FRMD5: variants seen among roughly 807,000 people sequenced by gnomAD.
FRMD5 encodes the protein FERM domain containing 5, also known as FERM domain-containing protein 5.
In FRMD5, 20 loss-of-function variants were observed where a neutral mutation model predicts 69.0. The observed-to-expected ratio is 0.29, with a 90% CI of 0.20 to 0.42. FRMD5 has a LOEUF of 0.42. Among genes scored for constraint, FRMD5 ranks in the 10% least tolerant of loss-of-function variants. The pLI, the probability that FRMD5 is intolerant of heterozygous loss-of-function variation, is 1.00. For missense variants in FRMD5, 595 were observed against 708.6 expected, an observed-to-expected ratio of 0.84 and a Z score of 1.82; for synonymous variants, 271 against 260.1, an observed-to-expected ratio of 1.04 and a Z score of -0.40.
intron 1 of FRMD5, among the ~76,000 whole-genome samples, chr15:44,173,624 C>T (rs771096409): frequency 6.6e-5 from 10 of 152,188 alleles, no homozygotes; most frequent in Non-Finnish European, 1.2e-4. Flanking sequence ...GATTCTCCCA[C>T]TTCAGCCTCC....
intron 1 of FRMD5, among the ~76,000 whole-genome samples, chr15:44,189,004 C>T (rs1486047806): frequency 6.6e-6 from 1 of 152,048 alleles, no homozygotes; most frequent in Non-Finnish European, 1.5e-5. Context: ...GTGAATGGAG[C>T]TATTGTACAC....
chr15:44,169,316 C>T (rs565444844), intron 1 of FRMD5, among the ~76,000 whole-genome samples: 67 of 152,072 alleles, frequency 4.4e-4, no homozygotes, highest in Non-Finnish European at 8.7e-4. Context: ...CTCCGCCATT[C>T]CTCCAGACCT....
chr15:44,186,211 G>A (rs1308800940), intron 1 of FRMD5, among the ~76,000 whole-genome samples: 2 of 152,182 alleles, frequency 1.3e-5, no homozygotes, highest in East Asian at 3.9e-4. Context: ...ACAGGCGTGA[G>A]CCACCGCACC....
Position 43,873,224 on chromosome 15 carries a change from T to C in FRMD5, c.*661A>G, listed in dbSNP as rs2140325245. The C allele has an allele frequency of 6.5e-7, 1 of 1,550,158 alleles. No homozygotes were observed. Among genetic ancestry groups the C allele is most frequent in the African/African-American group, 1.4e-5 (1 of 73,136 alleles). On this transcript the variant is annotated 3_prime_UTR_variant, in exon 14 of 14. Coordinates refer to ENST00000417257, the MANE Select transcript of FRMD5 (RefSeq NM_032892.5). Reference sequence around the variant, plus strand: ...CGGTGGTCCCTTCAGATGCCCACTCTGCTCAGATTTGAAAAAACAAAAGGA... The same window carrying C: ...CGGTGGTCCCTTCAGATGCCCACTCCGCTCAGATTTGAAAAAACAAAAGGA...
At chr15:43,965,180 G>A (rs571660614) in intron 1 of FRMD5, among the ~76,000 whole-genome samples, 1 of 152,092 alleles carries the variant, frequency 6.6e-6, no homozygotes, top group Non-Finnish European at 1.5e-5. Context: ...ACAGAGGCAG[G>A]GCTTGAAGGA....
rs550023736 is a variant in FRMD5, at chr15:44,173,503, TAAGGAAG to T, written c.102+21443_102+21449del. ...AATACAAGTAAATTATAGCCAAATA[TAAGGAAG>T]AAAAAAATATACATATTTTTTTCTT... On this transcript the variant is annotated intron_variant, in intron 1 of 13. Coordinates refer to ENST00000417257, the MANE Select transcript of FRMD5 (RefSeq NM_032892.5). Among the ~76,000 whole-genome samples the T allele has an allele frequency of 4.8e-3, 733 of 152,044 alleles. 6 individuals carry two copies. Among genetic ancestry groups the T allele is most frequent in the Non-Finnish European group, 5.9e-3 (401 of 67,960 alleles).
chr15:44,192,307 A>C (rs1172370131), intron 1 of FRMD5, among the ~76,000 whole-genome samples: 1 of 152,174 alleles, frequency 6.6e-6, no homozygotes, highest in Admixed American at 6.5e-5. Context: ...TGGAACTATC[A>C]TGACTCCAAC....
At chr15:43,960,629 C>T (rs1788125875) in intron 1 of FRMD5, among the ~76,000 whole-genome samples, 1 of 152,126 alleles carries the variant, frequency 6.6e-6, no homozygotes. Flanking sequence ...GGTGATCCGC[C>T]TGCCTCAGCC....
chr15:43,959,604 C>T (rs556834427), intron 1 of FRMD5, among the ~76,000 whole-genome samples: 5 of 152,326 alleles, frequency 3.3e-5, no homozygotes, highest in South Asian at 2.1e-4. Context: ...AACTACTTTA[C>T]ATCCCTAGAC....
chr15:44,101,020 A>G (rs145309932), intron 1 of FRMD5, among the ~76,000 whole-genome samples: 25 of 152,008 alleles, frequency 1.6e-4, no homozygotes, highest in African/African-American at 5.3e-4. Flanking sequence ...GTGATGGTGC[A>G]CGCCTGTAGT....
intron 1 of FRMD5, among the ~76,000 whole-genome samples, chr15:43,963,249 T>C (rs562726643): frequency 5.3e-4 from 81 of 152,270 alleles, no homozygotes; most frequent in East Asian, 4.0e-3. Flanking sequence ...GGGCAAAGGA[T>C]ATGAACAGAC....
At chr15:44,135,033 A>C (rs2077161336) in intron 1 of FRMD5, among the ~76,000 whole-genome samples, 1 of 152,186 alleles carries the variant, frequency 6.6e-6, no homozygotes, top group African/African-American at 2.4e-5. Context: ...GAGACTATTG[A>C]GGGATAAGCA....
chr15:44,120,788 A>G (rs1386799058), intron 1 of FRMD5, among the ~76,000 whole-genome samples: 3 of 151,634 alleles, frequency 2.0e-5, no homozygotes, highest in African/African-American at 7.3e-5. Flanking sequence ...TCAGCCTCCC[A>G]AAGTGCTGGG....
intron 1 of FRMD5, among the ~76,000 whole-genome samples, chr15:43,997,220 C>T (rs6493092): frequency 0.9 from 137,267 of 152,144 alleles, 62,474 homozygotes; most frequent in East Asian, 1. Flanking sequence ...CAAATTTCAT[C>T]TCACAATACT....
chr15:44,105,453 A>G (rs2140548391), intron 1 of FRMD5, among the ~76,000 whole-genome samples: 1 of 152,298 alleles, frequency 6.6e-6, no homozygotes, highest in African/African-American at 2.4e-5. Flanking sequence ...CTAGAAGCAG[A>G]GTGACCAAGG....
At chr15:43,974,425 T>C (rs2090433632) in intron 1 of FRMD5, among the ~76,000 whole-genome samples, 2 of 152,230 alleles carry the variant, frequency 1.3e-5, no homozygotes. Flanking sequence ...TCTCTACTTA[T>C]ACTCTTCCTG....
rs1005160862 is a variant in FRMD5, at chr15:43,873,230, G to C, written c.*655C>G. 4 of 1,548,122 alleles carry C rather than the reference G, an allele frequency of 2.6e-6. No homozygotes were observed. Among genetic ancestry groups the C allele is most frequent in the East Asian group, 2.4e-5 (1 of 40,928 alleles). ...TCCCTTCAGATGCCCACTCTGCTCA[G>C]ATTTGAAAAAACAAAAGGAAAAGAA... is the stretch of plus-strand genomic sequence containing the variant. On this transcript the variant is annotated 3_prime_UTR_variant, in exon 14 of 14. Coordinates refer to ENST00000417257, the MANE Select transcript of FRMD5 (RefSeq NM_032892.5).
chr15:43,957,006 C>CT (rs1274222468), intron 1 of FRMD5, among the ~76,000 whole-genome samples: 1 of 152,120 alleles, frequency 6.6e-6, no homozygotes, highest in African/African-American at 2.4e-5. Flanking sequence ...TTAAGTCAGC[C>CT]TTTTTAAAGG....
intron 1 of FRMD5, among the ~76,000 whole-genome samples, chr15:44,008,318 T>G (rs555889309): frequency 6.6e-6 from 1 of 152,038 alleles, no homozygotes; most frequent in South Asian, 2.1e-4. Context: ...GGCTGGAGTA[T>G]AGTGGCACCA....
Sources: gnomAD v4.1 joint callset for allele counts (sites outside exome capture counted in the v4.1 genomes callset) on GRCh38, gnomAD v4.1.1 for gene constraint, MANE v1.5 for transcripts, NCBI Gene and HGNC (gene_info 2026-07-23, HGNC 2026-07-21) for gene names.